The following BRINP3 variants were observed in gnomAD, a reference collection of about 807,000 sequenced individuals.
BRINP3 encodes the protein BMP/retinoic acid-inducible neural-specific protein 3.
Under a neutral mutation model 71.0 loss-of-function variants are expected in BRINP3, and 19 were observed. That is an observed-to-expected ratio of 0.27 (90% CI 0.19 to 0.39). The LOEUF (loss-of-function observed/expected upper bound fraction) is 0.39, where lower values mean the gene tolerates loss of function less well. Among genes scored for constraint, BRINP3 ranks in the 10% least tolerant of loss-of-function variants. The pLI is 1.00. For synonymous variants in BRINP3, 380 were observed against 337.7 expected, an observed-to-expected ratio of 1.13 and a Z score of -1.37; for missense variants, 959 against 940.8, an observed-to-expected ratio of 1.02 and a Z score of -0.25.
chr1:190,205,808 CCT>C (rs1219369602), intron 6 of BRINP3, among the ~76,000 whole-genome samples: 1 of 151,898 alleles, frequency 6.6e-6, no homozygotes, highest in Non-Finnish European at 1.5e-5. Flanking sequence ...GCTTCCTTAC[CCT>C]CTGTTTCCAA....
At chr1:190,336,487 C>T (rs1667291670) in intron 2 of BRINP3, among the ~76,000 whole-genome samples, 1 of 152,030 alleles carries the variant, frequency 6.6e-6, no homozygotes, top group East Asian at 1.9e-4. Context: ...AATCAAGCTA[C>T]TATATTGGTA....
intron 7 of BRINP3, among the ~76,000 whole-genome samples, chr1:190,130,612 C>T (rs1043279099): frequency 6.6e-6 from 1 of 151,980 alleles, no homozygotes; most frequent in African/African-American, 2.4e-5. Flanking sequence ...TATGCATTAT[C>T]TTACCTAATT....
At chr1:190,224,969 C>T (rs1657212669) in intron 6 of BRINP3, among the ~76,000 whole-genome samples, 1 of 151,698 alleles carries the variant, frequency 6.6e-6, no homozygotes, top group African/African-American at 2.4e-5. Context: ...TATCAAAAGA[C>T]AGGCAATAAC....
intron 2 of BRINP3, among the ~76,000 whole-genome samples, chr1:190,408,401 A>AT (rs985400317): frequency 2.0e-5 from 3 of 151,672 alleles, no homozygotes; most frequent in South Asian, 4.2e-4. Context: ...GATTTAAATT[A>AT]TTTTTTTTCA....
At chr1:190,242,929 C>A (rs1659245998) in intron 4 of BRINP3, among the ~76,000 whole-genome samples, 1 of 152,060 alleles carries the variant, frequency 6.6e-6, no homozygotes, top group Non-Finnish European at 1.5e-5. Context: ...TGCTTCAGTG[C>A]AGTTTTCACT....
chr1:190,164,486 A>G (rs957893993), intron 6 of BRINP3, among the ~76,000 whole-genome samples: 1 of 152,168 alleles, frequency 6.6e-6, no homozygotes, highest in Non-Finnish European at 1.5e-5. Flanking sequence ...TGTGCTAATT[A>G]TATTACAATT....
intron 4 of BRINP3, among the ~76,000 whole-genome samples, chr1:190,250,673 T>G (rs143862828): frequency 6.6e-6 from 1 of 152,054 alleles, no homozygotes; most frequent in African/African-American, 2.4e-5. Context: ...TGTAGTATGG[T>G]TTAAGATAGT....
At chr1:190,289,527 C>G (rs1663695161) in intron 2 of BRINP3, among the ~76,000 whole-genome samples, 1 of 151,728 alleles carries the variant, frequency 6.6e-6, no homozygotes, top group African/African-American at 2.4e-5. Context: ...ATTTTTTATT[C>G]CCCAAATTAT....
chr1:190,343,733 C>A (rs1356267611), intron 2 of BRINP3, among the ~76,000 whole-genome samples: 1 of 151,522 alleles, frequency 6.6e-6, no homozygotes, highest in East Asian at 1.9e-4. Context: ...AATAAACCGA[C>A]TCTGTATGTA....
intron 7 of BRINP3, among the ~76,000 whole-genome samples, chr1:190,117,231 A>G (rs985597075): frequency 5.3e-5 from 8 of 151,998 alleles, no homozygotes; most frequent in African/African-American, 1.9e-4. Context: ...TTAACTTTCT[A>G]TAAGAAGCTT....
At chr1:190,380,857 A>C (rs1670502914) in intron 2 of BRINP3, among the ~76,000 whole-genome samples, 1 of 152,310 alleles carries the variant, frequency 6.6e-6, no homozygotes, top group Non-Finnish European at 1.5e-5. Flanking sequence ...CAAATAAATT[A>C]GTGGGGATTA....
chr1:190,369,807 T>G (rs1285189752), intron 2 of BRINP3, among the ~76,000 whole-genome samples: 1 of 152,154 alleles, frequency 6.6e-6, no homozygotes, highest in Non-Finnish European at 1.5e-5. Flanking sequence ...GATCTAAATT[T>G]CAATGTAATG....
At chr1:190,386,260 AT>A (rs1233937758) in intron 2 of BRINP3, among the ~76,000 whole-genome samples, 2 of 147,178 alleles carry the variant, frequency 1.4e-5, no homozygotes, top group East Asian at 2.0e-4. Context: ...TAAAAAAAAA[AT>A]AATAAAAATA....
At chr1:190,150,840 T>C (rs1336985816) in intron 7 of BRINP3, among the ~76,000 whole-genome samples, 1 of 152,140 alleles carries the variant, frequency 6.6e-6, no homozygotes, top group African/African-American at 2.4e-5. Flanking sequence ...AATATCATGG[T>C]GTCTATCCCT....
chr1:190,437,652 T>C (rs994442329), intron 2 of BRINP3, among the ~76,000 whole-genome samples: 2 of 151,866 alleles, frequency 1.3e-5, no homozygotes, highest in Admixed American at 1.3e-4. Flanking sequence ...CAGATTGTCT[T>C]GATGTGATTT....
At chr1:190,199,262 C>T (rs767479583) in intron 6 of BRINP3, among the ~76,000 whole-genome samples, 10 of 152,110 alleles carry the variant, frequency 6.6e-5, no homozygotes, top group South Asian at 6.2e-4. Flanking sequence ...ATAAGATTTG[C>T]GTAAGGACAG....
intron 7 of BRINP3, among the ~76,000 whole-genome samples, chr1:190,136,314 C>A (rs930192859): frequency 5.3e-5 from 8 of 151,954 alleles, no homozygotes; most frequent in Admixed American, 5.2e-4. Flanking sequence ...ATCTAACAAC[C>A]ATTGTTTAAC....
intron 2 of BRINP3, among the ~76,000 whole-genome samples, chr1:190,387,056 C>A (rs1670957540): frequency 6.6e-6 from 1 of 151,878 alleles, no homozygotes; most frequent in African/African-American, 2.4e-5. Context: ...TTCATCTCTT[C>A]TGATCATTGT....
At chr1:190,157,252 C>T (rs1656952112) in intron 7 of BRINP3, among the ~76,000 whole-genome samples, 2 of 151,970 alleles carry the variant, frequency 1.3e-5, no homozygotes, top group Admixed American at 6.6e-5. Context: ...TTTTCATCCA[C>T]CAGGTTGAGG....
Sources: gnomAD v4.1 joint callset for allele counts (sites outside exome capture counted in the v4.1 genomes callset) on GRCh38, gnomAD v4.1.1 for gene constraint, MANE v1.5 for transcripts, NCBI Gene and HGNC (gene_info 2026-07-23, HGNC 2026-07-21) for gene names.